LARP7: variants seen among roughly 807,000 people sequenced by gnomAD.
The protein encoded by LARP7 is la-related protein 7.
A neutral mutation model predicts 69.3 loss-of-function variants in LARP7; 52 were observed. The ratio of observed to expected loss-of-function variants is 0.75; its 90% CI spans 0.60 to 0.95. The LOEUF is 0.95. Among genes scored for constraint, LARP7 ranks in the 40% least tolerant of loss-of-function variants. The probability of loss-of-function intolerance (pLI) is 0.00; values close to 1 mark genes in which losing one functional copy is unlikely to be tolerated. For missense variants in LARP7, 733 were observed against 673.0 expected, an observed-to-expected ratio of 1.09 and a Z score of -0.99; for synonymous variants, 254 against 215.9, an observed-to-expected ratio of 1.18 and a Z score of -1.55.
chr4:112,646,706 T>C, intron 4 of LARP7, 35 bp downstream of exon 4: 1 of 1,559,996 alleles, frequency 6.4e-7, no homozygotes, highest in Non-Finnish European at 8.7e-7. Flanking sequence ...AGTCAGAAAC[T>C]GGCACAGAAA....
Position 112,647,261 on chromosome 4 carries a change from A to G in LARP7, c.709A>G (p.Lys237Glu). The change falls in exon 7 of 13, where the codon AAA becomes GAA. Residue 237 changes from lysine to glutamate, a missense_variant. By Grantham distance (56) the Lys-to-Glu change is moderately conservative (BLOSUM62 1). Coordinates refer to ENST00000344442, the MANE Select transcript of LARP7 (RefSeq NM_016648.4). The part of the protein sequence containing the change: ...RMKKEDNIQA[K>E]EENMDTSNTS... ...GAAAAAGGAAGACAATATCCAAGCC[A>G]AAGAAGAAAACATGGACACAAGCAA... 6 of 1,612,014 alleles carry G rather than the reference A, an allele frequency of 3.7e-6. No individual in the cohort carries two copies. Among genetic ancestry groups the G allele is most frequent in the Non-Finnish European group, 5.1e-6 (6 of 1,179,560 alleles).
At position 112,646,333 on chromosome 4, in the gene LARP7, C is replaced by A; in HGVS notation, c.203-18C>A. The A allele has an allele frequency of 8.0e-7, 1 of 1,250,618 alleles. No homozygotes were observed. The highest frequency in any genetic ancestry group is 1.2e-6 in the Non-Finnish European group (1 of 862,996). 77.5% of individuals were successfully genotyped at this position (1,250,618 alleles called of 1,614,324 possible). Reference sequence around the variant, plus strand: ...TCCTGCTGATACACTAACATATTAACTTTTTCATTTTCTTTAGATGTTGAT... The same window carrying A: ...TCCTGCTGATACACTAACATATTAAATTTTTCATTTTCTTTAGATGTTGAT... On this transcript the variant is annotated intron_variant, in intron 2 of 12. Transcript: ENST00000344442.
chr4:112,646,411 A>G lies in LARP7; in HGVS notation c.263A>G (p.Lys88Arg), dbSNP rs770799183. 6.2e-7 allele frequency: 1 copy of G among 1,605,810 alleles called. No individual in the cohort carries two copies. Among genetic ancestry groups the G allele is most frequent in the Non-Finnish European group, 8.5e-7 (1 of 1,173,446 alleles). Residue 88 changes from lysine (K) to arginine (R), a missense_variant, in exon 3 of 13, where the codon AAG (lysine) becomes AGG (arginine). Transcript: ENST00000344442. ...NKMKKLTTDG[K>R]LIARALRSSA... ...ATGAAAAAATTGACTACTGATGGGA[A>G]GTTAATTGCCAGAGCATTGAGAAGT...
Position 112,647,472 on chromosome 4 carries a change from C to A in LARP7, c.920C>A (p.Ala307Asp). The A allele has an allele frequency of 6.2e-7, 1 of 1,613,826 alleles. No individual in the cohort carries two copies. The highest frequency in any genetic ancestry group is 8.5e-7 in the Non-Finnish European group (1 of 1,179,862). Residue 307 changes from alanine (A) to aspartate (D), a missense_variant, in exon 7 of 13, where the codon GCT (alanine) becomes GAT (aspartate). Coordinates refer to ENST00000344442, the MANE Select transcript of LARP7 (RefSeq NM_016648.4). ...AGCTCTGAAGATGCAGAATCCCTAG[C>A]TCCCCGATCAAAAGTAAAGAAAATT... Reference protein sequence around the residue: ...RSSSEDAESLAPRSKVKKIIQ... With the variant: ...RSSSEDAESLDPRSKVKKIIQ...
rs1395809779 is a variant in LARP7 at position 112,646,775 on chromosome 4, T to C, written c.388-16T>C. The C allele has an allele frequency of 1.4e-5, 22 of 1,570,520 alleles. No individual in the cohort carries two copies. The highest frequency in any genetic ancestry group is 1.9e-5 in the Non-Finnish European group (22 of 1,162,086). ...TGATTGTGAAAAACTCTAATATTGCTTTTAATTTATAATAGGAGTTACTTC... is the reference window on the plus strand; with the variant it reads ...TGATTGTGAAAAACTCTAATATTGCCTTTAATTTATAATAGGAGTTACTTC... On this transcript the variant is annotated splice_polypyrimidine_tract_variant and intron_variant, in intron 4 of 12. Coordinates refer to ENST00000344442, the MANE Select transcript of LARP7 (RefSeq NM_016648.4).
At chr4:112,638,905 G>C (rs766984268) in intron 1 of LARP7, among the ~76,000 whole-genome samples, 2 of 152,122 alleles carry the variant, frequency 1.3e-5, no homozygotes, top group Non-Finnish European at 2.9e-5. Flanking sequence ...GAGCCCACTA[G>C]AATTCTTGTC....
Position 112,647,070 on chromosome 4 carries a change from CCTGGCATATTTCCTAAAACAGTGAAAAAT to C in LARP7, c.590_618del (p.Pro197GlnfsTer44), listed in dbSNP as rs1201910457. 6.2e-7 allele frequency: 1 copy of C among 1,611,592 alleles called. No individual in the cohort carries two copies. Among genetic ancestry groups the C allele is most frequent in the Non-Finnish European group, 8.5e-7 (1 of 1,179,528 alleles). On this transcript the variant is annotated frameshift_variant, in exon 6 of 13. Coordinates refer to ENST00000344442, the MANE Select transcript of LARP7 (RefSeq NM_016648.4). LOFTEE classifies it high-confidence loss of function. ...CCCACCAGAAGAAGCACCAAGAAAA[CCTGGCATATTTCCTAAAACAGTGAAAAAT>C]AAGCCCATTCCAGCCTTAAGAGTTG...
intron 1 of LARP7, chr4:112,644,435 C>T (rs1203480739): frequency 1.7e-6 from 2 of 1,152,156 alleles, no homozygotes; most frequent in Non-Finnish European, 2.3e-6. Flanking sequence ...GATAATCTGG[C>T]CCTGTGTTTT....
intron 1 of LARP7, among the ~76,000 whole-genome samples, chr4:112,639,359 G>GC (rs2047862808): frequency 6.6e-6 from 1 of 151,754 alleles, no homozygotes; most frequent in Admixed American, 6.6e-5. Flanking sequence ...ACAGGCGCCT[G>GC]CCACCATGCC....
intron 1 of LARP7, among the ~76,000 whole-genome samples, chr4:112,639,300 C>G (rs915672902): frequency 1.3e-5 from 2 of 151,550 alleles, no homozygotes; most frequent in Admixed American, 6.6e-5. Flanking sequence ...AGCTCCGCCT[C>G]CCGGATTCAC....
At chr4:112,651,553 C>T (rs1405648275) in intron 10 of LARP7, among the ~76,000 whole-genome samples, 1 of 152,134 alleles carries the variant, frequency 6.6e-6, no homozygotes, top group African/African-American at 2.4e-5. Context: ...TTCTAATCAA[C>T]TCATTAAATA....
At chr4:112,646,550 T>C in intron 3 of LARP7, 38 bp from the exon 4 acceptor site, 1 of 1,306,722 alleles carries the variant, frequency 7.7e-7, no homozygotes, top group African/African-American at 1.5e-5. Context: ...CAATTATAAA[T>C]AATATTAGTT....
rs756461999 is a variant in LARP7, at chr4:112,649,635, A to G, written c.1243A>G (p.Met415Val). 5.0e-6 allele frequency: 8 copies of G among 1,609,816 alleles called. No individual in the cohort carries two copies. Among genetic ancestry groups the G allele is most frequent in the Middle Eastern group, 1.8e-4 (1 of 5,426 alleles). The change falls in exon 9 of 13, where the codon ATG (methionine) becomes GTG (valine). Residue 415 changes from methionine to valine, a missense_variant. Transcript: ENST00000344442. ...TISQIKSESE[M>V]ETDSGVPQNT... is the part of the protein sequence containing the mutation. The stretch of plus-strand genomic sequence containing the variant: ...ATCCCAAATAAAATCAGAGTCAGAA[A>G]TGGAAACAGACAGTGGAGTACCTCA...
chr4:112,649,016 GA>G (rs2048564257), intron 8 of LARP7, among the ~76,000 whole-genome samples: 1 of 151,852 alleles, frequency 6.6e-6, no homozygotes, highest in African/African-American at 2.4e-5. Context: ...ACTGAGCCGA[GA>G]AAGGCATTGT....
intron 12 of LARP7, among the ~76,000 whole-genome samples, chr4:112,656,036 C>T (rs1350560598): frequency 2.6e-5 from 4 of 152,172 alleles, no homozygotes. Context: ...ACTGACCTGA[C>T]AGCCCAATAT....
chr4:112,643,019 C>G (rs1208370232), intron 1 of LARP7, among the ~76,000 whole-genome samples: 3 of 152,214 alleles, frequency 2.0e-5, no homozygotes, highest in Non-Finnish European at 4.4e-5. Flanking sequence ...GCTCCTATAC[C>G]ACTAGTGATT....
In LARP7 at chr4:112,647,333, T is replaced by A; in HGVS notation, c.781T>A (p.Ser261Thr). 6.2e-7 allele frequency: 1 copy of A among 1,613,946 alleles called. No homozygotes were observed. Among genetic ancestry groups the A allele is most frequent in the Non-Finnish European group, 8.5e-7 (1 of 1,179,988 alleles). Residue 261 changes from serine to threonine, a missense_variant, in exon 7 of 13, where the codon TCT becomes ACT. Coordinates refer to ENST00000344442, the MANE Select transcript of LARP7 (RefSeq NM_016648.4). ...MKRSRPTSEG[S>T]DIESTEPQKQ... ...AAGATCCAGACCCACATCTGAGGGCTCTGACATTGAGTCCACTGAACCCCA... is the reference window on the plus strand; with the variant it reads ...AAGATCCAGACCCACATCTGAGGGCACTGACATTGAGTCCACTGAACCCCA...
chr4:112,650,832 A>G (rs1022100739), intron 10 of LARP7, among the ~76,000 whole-genome samples: 13 of 152,058 alleles, frequency 8.5e-5, no homozygotes, highest in African/African-American at 2.9e-4. Context: ...GAAAATTGTA[A>G]CTTTTGCTTA....
chr4:112,648,272 GTT>G lies in LARP7; in HGVS notation c.1142+439_1142+440del. 9.5e-6 allele frequency: 5 copies of G among 528,828 alleles called. No individual in the cohort carries two copies. The Admixed American group carries it at 9.8e-5, about 10-fold the overall frequency. The allele number at this position is 528,828 out of a possible 1,614,324, so 32.8% of individuals were successfully genotyped here. A position where few individuals can be genotyped will look rare whatever the true frequency, so the allele number is the denominator to read the frequency against. On this transcript the variant is annotated intron_variant, in intron 8 of 12. Coordinates refer to ENST00000344442, the MANE Select transcript of LARP7 (RefSeq NM_016648.4). ...GGTGGGGAGCCCAGTCTTGGAAAAA[GTT>G]AGAATCCTTTAACCTGTAACAAGCT...
Sources: gnomAD v4.1 joint callset for allele counts (sites outside exome capture counted in the v4.1 genomes callset) on GRCh38, gnomAD v4.1.1 for gene constraint, MANE v1.5 for transcripts, NCBI Gene and HGNC (gene_info 2026-07-23, HGNC 2026-07-21) for gene names.